The following RAB11FIP3 variants were observed in gnomAD, a reference collection of about 807,000 sequenced individuals.
RAB11FIP3 encodes the protein RAB11 family interacting protein 3, also known as rab11 family-interacting protein 3.
Under a neutral mutation model 77.8 loss-of-function variants are expected in RAB11FIP3, and 17 were observed. That is an observed-to-expected ratio of 0.22 (90% CI 0.15 to 0.33). The LOEUF is 0.33. Among genes scored for constraint, RAB11FIP3 ranks in the 10% least tolerant of loss-of-function variants. The probability of loss-of-function intolerance (pLI) is 1.00; values close to 1 mark genes in which losing one functional copy is unlikely to be tolerated. For synonymous variants in RAB11FIP3, 437 were observed against 448.2 expected (o/e 0.98, Z 0.31); for missense variants, 1,005 against 1,011.2 (o/e 0.99, Z 0.08).
At chr16:439,142 T>C (rs918176737) in intron 1 of RAB11FIP3, among the ~76,000 whole-genome samples, 2 of 152,210 alleles carry the variant, frequency 1.3e-5, no homozygotes, top group African/African-American at 4.8e-5. Context: ...TGCACCACTG[T>C]ACTTGGCTTT....
chr16:427,728 T>C (rs910551931), intron 1 of RAB11FIP3, among the ~76,000 whole-genome samples: 5 of 152,220 alleles, frequency 3.3e-5, no homozygotes, highest in African/African-American at 1.2e-4. Context: ...CAAGTACATA[T>C]GCATGTTTAA....
intron 4 of RAB11FIP3, among the ~76,000 whole-genome samples, chr16:487,284 C>G (rs1297016931): frequency 6.6e-6 from 1 of 152,148 alleles, no homozygotes; most frequent in African/African-American, 2.4e-5. Flanking sequence ...GCACCCGCCA[C>G]CACCCCCAGG....
At position 520,122 on chromosome 16, in the gene RAB11FIP3, C is replaced by G. The variant is rs1196345390; in HGVS notation, c.1861C>G (p.Leu621Val). 2.6e-6 allele frequency: 4 copies of G among 1,545,588 alleles called. No homozygotes were observed. Among genetic ancestry groups the G allele is most frequent in the African/African-American group, 1.4e-5 (1 of 73,258 alleles). ...GGCTCACTGCACGGTTGCCCTGCAG[C>G]TGATCGAGGACCTCCGAAAGCAGCT... Reference protein sequence around the residue: ...FQRDKEATQELIEDLRKQLEH... With the variant: ...FQRDKEATQEVIEDLRKQLEH... The change falls in exon 12 of 14, where the codon CTG (leucine) becomes GTG (valine). Residue 621 changes from leucine to valine, a missense_variant and splice_region_variant. This residue lies in a region of RAB11FIP3 where 433 missense variants were observed against 436.1 expected (regional missense o/e 0.99). Coordinates refer to ENST00000262305, the MANE Select transcript of RAB11FIP3 (RefSeq NM_014700.4).
At chr16:475,008 A>G in intron 3 of RAB11FIP3, 1 of 1,551,684 alleles carries the variant, frequency 6.4e-7, no homozygotes, top group Non-Finnish European at 8.7e-7. Context: ...CGGAGACACG[A>G]TGGGGAGCCG....
intron 1 of RAB11FIP3, among the ~76,000 whole-genome samples, chr16:441,100 C>G (rs959338084): frequency 6.6e-6 from 1 of 152,196 alleles, no homozygotes; most frequent in African/African-American, 2.4e-5. Flanking sequence ...GCCACCACGC[C>G]TGGCTAATTT....
At chr16:493,042 G>A (rs985079139) in intron 5 of RAB11FIP3, among the ~76,000 whole-genome samples, 4 of 152,126 alleles carry the variant, frequency 2.6e-5, no homozygotes, top group Admixed American at 2.6e-4. Context: ...CTTGAGGCCA[G>A]GAGTTTGAGA....
At chr16:451,052 A>G (rs780105700) in intron 1 of RAB11FIP3, among the ~76,000 whole-genome samples, 2 of 152,094 alleles carry the variant, frequency 1.3e-5, no homozygotes, top group African/African-American at 4.8e-5. Context: ...GAAAGCTTGA[A>G]TGTATCCACT....
intron 2 of RAB11FIP3, among the ~76,000 whole-genome samples, chr16:465,179 C>T (rs186290935): frequency 1.3e-3 from 204 of 151,896 alleles, no homozygotes; most frequent in African/African-American, 4.7e-3. Context: ...AGCTGTGTTT[C>T]GTCTTCACTC....
At chr16:440,547 G>T (rs2055208623) in intron 1 of RAB11FIP3, among the ~76,000 whole-genome samples, 1 of 152,230 alleles carries the variant, frequency 6.6e-6, no homozygotes, top group South Asian at 2.1e-4. Flanking sequence ...GGCCTGGCCA[G>T]CTGGCATCTT....
chr16:487,543 C>T (rs565687047), intron 4 of RAB11FIP3, among the ~76,000 whole-genome samples: 5 of 152,182 alleles, frequency 3.3e-5, no homozygotes, highest in East Asian at 1.9e-4. Flanking sequence ...ACAGTGGGTC[C>T]GGGCGGAGCA....
Position 505,888 on chromosome 16 carries a change from G to A in RAB11FIP3, c.1499+261G>A, listed in dbSNP as rs1447027709. Among the ~76,000 whole-genome samples, 2 of 152,108 alleles carry A rather than the reference G, an allele frequency of 1.3e-5. No homozygotes were observed. Among genetic ancestry groups the A allele is most frequent in the East Asian group, 1.9e-4 (1 of 5,178 alleles). On this transcript the variant is annotated intron_variant, in intron 8 of 13. Transcript: ENST00000262305. The surrounding 1 kb of genome is among the most constrained non-coding windows in gnomAD (Gnocchi z 4.0). ...CAGAGGAGGGCACTGCCTCCCTCTC[G>A]GGAGCGCTGAGACCTGACCCACACA...
At chr16:475,700 G>A (rs1330108831) in intron 3 of RAB11FIP3, among the ~76,000 whole-genome samples, 1 of 152,130 alleles carries the variant, frequency 6.6e-6, no homozygotes, top group East Asian at 1.9e-4. Context: ...TATCGATGGC[G>A]ATGGCATGGA....
rs371249628 is a variant in RAB11FIP3, at chr16:456,512, T to C, written c.715-4892T>C. ...GGCTCATGCCTGTAATCCCAGCAAT[T>C]TGGGAGGCCGAGGTGGGCAGATCAC... On this transcript the variant is annotated intron_variant, in intron 1 of 13. Coordinates refer to ENST00000262305, the MANE Select transcript of RAB11FIP3 (RefSeq NM_014700.4). Among the ~76,000 whole-genome samples the C allele has an allele frequency of 5.4e-4, 82 of 151,736 alleles. 1 individual carries two copies. Among genetic ancestry groups the C allele is most frequent in the South Asian group, 2.9e-3 (14 of 4,796 alleles).
intron 1 of RAB11FIP3, among the ~76,000 whole-genome samples, chr16:454,598 CA>C (rs1361291027): frequency 6.6e-6 from 1 of 151,744 alleles, no homozygotes; most frequent in African/African-American, 2.4e-5. Context: ...AAGCAAAAAC[CA>C]AAAAAACCCA....
intron 1 of RAB11FIP3, among the ~76,000 whole-genome samples, chr16:432,143 G>T (rs914695219): frequency 6.6e-6 from 1 of 152,162 alleles, no homozygotes; most frequent in African/African-American, 2.4e-5. Context: ...AACACTTTGG[G>T]AGGCCAAGGC....
At chr16:467,961 G>T (rs2055736987) in intron 2 of RAB11FIP3, among the ~76,000 whole-genome samples, 1 of 135,172 alleles carries the variant, frequency 7.4e-6, no homozygotes, top group African/African-American at 2.8e-5. Context: ...AGGAGGTGCT[G>T]GGGCGTCAGG....
intron 1 of RAB11FIP3, among the ~76,000 whole-genome samples, chr16:431,140 GAT>G (rs747383816): frequency 1.3e-5 from 2 of 152,232 alleles, no homozygotes; most frequent in South Asian, 2.1e-4. Flanking sequence ...TGTGCGGTGA[GAT>G]GTGTGGGAGC....
At position 426,673 on chromosome 16, in the gene RAB11FIP3, C is replaced by A; in HGVS notation, c.667C>A (p.Arg223Ser). 6.5e-7 allele frequency: 1 copy of A among 1,546,282 alleles called. No homozygotes were observed. ...GGACGGGGATGGGGACGGTTTCGTC[C>A]GCATCGAGGACTTCATCCAGTTTGC... ...ALDGDGDGFV[R>S]IEDFIQFATV... The change falls in exon 1 of 14, where the codon CGC becomes AGC. Residue 223 changes from arginine to serine, a missense_variant. Around this residue, in one of 4 missense-constraint regions of RAB11FIP3, gnomAD observed 466 missense variants for 408.3 expected, o/e 1.14. Transcript: ENST00000262305. This position sits in a 1 kb window ranked among gnomAD's most constrained non-coding sequence, Gnocchi z 5.0.
chr16:444,848 C>T (rs1004339181), intron 1 of RAB11FIP3, among the ~76,000 whole-genome samples: 11 of 152,098 alleles, frequency 7.2e-5, no homozygotes, highest in African/African-American at 2.7e-4. Flanking sequence ...GGTGCGGTGG[C>T]TCACGCCTGT....
Sources: gnomAD v4.1 joint callset for allele counts (sites outside exome capture counted in the v4.1 genomes callset) on GRCh38, gnomAD v4.1.1 for gene constraint, gnomAD v4.1.1 regional missense constraint, Gnocchi (gnomAD v3.1) non-coding constraint, MANE v1.5 for transcripts, NCBI Gene and HGNC (gene_info 2026-07-23, HGNC 2026-07-21) for gene names.